The following GAS7 variants were observed in gnomAD, a reference collection of about 807,000 sequenced individuals.
GAS7 encodes the protein growth arrest specific 7, also known as growth arrest-specific protein 7.
In GAS7, 28 loss-of-function variants were observed where a neutral mutation model predicts 71.1. The ratio of observed to expected loss-of-function variants is 0.39; its 90% CI spans 0.29 to 0.54. The LOEUF (loss-of-function observed/expected upper bound fraction) is 0.54. Ranked by LOEUF, GAS7 falls within the 20% of genes least tolerant of loss-of-function variation. The pLI is 0.62. For missense variants in GAS7, 436 were observed against 627.8 expected, an observed-to-expected ratio of 0.69 and a Z score of 3.27; for synonymous variants, 258 against 245.8, an observed-to-expected ratio of 1.05 and a Z score of -0.46.
At chr17:10,112,620 A>G (rs1479516220) in intron 1 of GAS7, among the ~76,000 whole-genome samples, 1 of 152,052 alleles carries the variant, frequency 6.6e-6, no homozygotes, top group Non-Finnish European at 1.5e-5. Context: ...CTGTAATCCC[A>G]GCTACTCAGG....
chr17:10,112,761 AAAAG>A (rs1281679984), intron 1 of GAS7, among the ~76,000 whole-genome samples: 3 of 151,836 alleles, frequency 2.0e-5, no homozygotes, highest in South Asian at 4.2e-4. Context: ...AAGAAAAGAA[AAAAG>A]AAAGAAAGAA....
intron 5 of GAS7, 39 bp from the exon 6 acceptor site, chr17:9,947,022 G>C (rs1454100714): frequency 1.4e-6 from 2 of 1,399,832 alleles, no homozygotes; most frequent in African/African-American, 2.8e-5. Context: ...CCCCGCTGGA[G>C]ACTGGAATAG....
intron 1 of GAS7, among the ~76,000 whole-genome samples, chr17:10,196,525 A>C (rs1465431020): frequency 1.3e-5 from 2 of 152,216 alleles, no homozygotes; most frequent in Non-Finnish European, 2.9e-5. Flanking sequence ...AGACACACCC[A>C]AAACTGTCCC....
chr17:9,946,962 G>A lies in GAS7; in HGVS notation c.547C>T (p.His183Tyr), dbSNP rs765969067. ...TITINCVTFP[H>Y]PDTMPEQQLL... Reference sequence around the variant, plus strand: ...TGCTGTTCCGGCATCGTGTCTGGGTGAGGGAACGTCACACAGTTTATCTGT... The same window carrying A: ...TGCTGTTCCGGCATCGTGTCTGGGTAAGGGAACGTCACACAGTTTATCTGT... Residue 183 changes from histidine to tyrosine, a missense_variant, in exon 6 of 14, where the codon CAC (histidine) becomes TAC (tyrosine). His to Tyr is a moderately conservative substitution (Grantham distance 83, BLOSUM62 2). Coordinates refer to ENST00000432992, the MANE Select transcript of GAS7 (RefSeq NM_201433.2). 4 of 1,612,286 alleles carry A rather than the reference G, an allele frequency of 2.5e-6. No individual in the cohort carries two copies. The highest frequency in any genetic ancestry group is 3.3e-5 in the Admixed American group (2 of 60,030).
At chr17:10,195,493 G>A (rs2142159174) in intron 1 of GAS7, among the ~76,000 whole-genome samples, 1 of 152,290 alleles carries the variant, frequency 6.6e-6, no homozygotes, top group Middle Eastern at 3.4e-3. Flanking sequence ...GCACATTAGA[G>A]ATGCCATATT....
intron 1 of GAS7, among the ~76,000 whole-genome samples, chr17:10,113,947 C>T (rs535012251): frequency 6.6e-6 from 1 of 152,294 alleles, no homozygotes; most frequent in Non-Finnish European, 1.5e-5. Context: ...TAGGGTCTTG[C>T]TATCTTGCCC....
chr17:10,040,234 T>C (rs2072837376), intron 1 of GAS7, among the ~76,000 whole-genome samples: 1 of 151,996 alleles, frequency 6.6e-6, no homozygotes, highest in Non-Finnish European at 1.5e-5. Flanking sequence ...ACAGGGGCAA[T>C]ATTCTAGGCC....
chr17:10,017,633 C>T (rs374351260), intron 2 of GAS7, among the ~76,000 whole-genome samples: 2 of 152,090 alleles, frequency 1.3e-5, no homozygotes, highest in East Asian at 1.9e-4. Context: ...CTGGCCAGAA[C>T]GATGATATTT....
intron 2 of GAS7, among the ~76,000 whole-genome samples, chr17:9,995,079 A>G (rs1301718122): frequency 6.6e-6 from 1 of 152,188 alleles, no homozygotes; most frequent in Admixed American, 6.5e-5. Flanking sequence ...GGGGAGCAGC[A>G]GGGGGGCTCA....
intron 1 of GAS7, among the ~76,000 whole-genome samples, chr17:10,131,058 T>G (rs1433875658): frequency 6.6e-6 from 1 of 152,184 alleles, no homozygotes; most frequent in Non-Finnish European, 1.5e-5. Flanking sequence ...TCTTGCTGAG[T>G]TTGCTATTAC....
chr17:10,126,225 G>C (rs569239420), intron 1 of GAS7, among the ~76,000 whole-genome samples: 1 of 151,940 alleles, frequency 6.6e-6, no homozygotes, highest in Non-Finnish European at 1.5e-5. Flanking sequence ...AATCCTGTCC[G>C]TTCTCCTGGA....
In GAS7 at chr17:10,015,981, G is replaced by A. The variant is rs76345565; in HGVS notation, c.304+3796C>T. 8.7e-4 allele frequency among the ~76,000 whole-genome samples: 133 copies of A among 152,248 alleles called. 2 individuals carry two copies. The East Asian group carries it at 0.016, about 18-fold the overall frequency. On this transcript the variant is annotated intron_variant, in intron 2 of 13. Transcript: ENST00000432992. The stretch of plus-strand genomic sequence containing the variant: ...CACTATAAGAAGATAAACACTTGCA[G>A]GGCAGAGACTTTGTTCTTATTAAAT...
At chr17:10,140,547 G>T (rs948322676) in intron 1 of GAS7, among the ~76,000 whole-genome samples, 1 of 152,182 alleles carries the variant, frequency 6.6e-6, no homozygotes, top group African/African-American at 2.4e-5. Flanking sequence ...ATACATGTGT[G>T]TCTGTGGCTA....
intron 2 of GAS7, among the ~76,000 whole-genome samples, chr17:9,996,042 A>C (rs1165784316): frequency 6.6e-6 from 1 of 152,246 alleles, no homozygotes; most frequent in Non-Finnish European, 1.5e-5. Context: ...AATACACATG[A>C]AGCATTTGAT....
chr17:9,964,852 TATTGA>T, intron 4 of GAS7, among the ~76,000 whole-genome samples: 1 of 152,338 alleles, frequency 6.6e-6, no homozygotes, highest in South Asian at 2.1e-4. Context: ...GAACATGTGT[TATTGA>T]ATTATTGAGG....
rs747019480 is a variant in GAS7, at chr17:9,911,943, T to C, written c.*5285A>G. On this transcript the variant is annotated 3_prime_UTR_variant, in exon 14 of 14. Transcript: ENST00000432992. This position sits in a 1 kb window ranked among gnomAD's most constrained non-coding sequence, Gnocchi z 4.0. ...CCTTAACTGGGTGTGGTCCTGTCCC[T>C]GCCACCATGTACCACCATCCAGTGG... 3 of 231,940 alleles carry C rather than the reference T, an allele frequency of 1.3e-5. No individual in the cohort carries two copies. Among genetic ancestry groups the C allele is most frequent in the Non-Finnish European group, 2.6e-5 (3 of 117,326 alleles). The allele number at this position is 231,940 out of a possible 1,614,324, so 14.4% of individuals were successfully genotyped here.
intron 1 of GAS7, among the ~76,000 whole-genome samples, chr17:10,160,885 T>C (rs1369123256): frequency 6.6e-6 from 1 of 151,692 alleles, no homozygotes; most frequent in Non-Finnish European, 1.5e-5. Flanking sequence ...CTGGTCATAA[T>C]ATGGCTGTTT....
chr17:10,049,258 A>G (rs1168802888), intron 1 of GAS7, among the ~76,000 whole-genome samples: 1 of 152,244 alleles, frequency 6.6e-6, no homozygotes, highest in African/African-American at 2.4e-5. Context: ...TTAAAAACTC[A>G]TATTGAATGG....
chr17:10,102,438 TA>T, intron 1 of GAS7, among the ~76,000 whole-genome samples: 1 of 149,368 alleles, frequency 6.7e-6, no homozygotes, highest in South Asian at 2.1e-4. Flanking sequence ...CTTAGTCGGC[TA>T]GCTGACTAAG....
Sources: gnomAD v4.1 joint callset for allele counts (sites outside exome capture counted in the v4.1 genomes callset) on GRCh38, gnomAD v4.1.1 for gene constraint, Gnocchi (gnomAD v3.1) non-coding constraint, MANE v1.5 for transcripts, NCBI Gene and HGNC (gene_info 2026-07-23, HGNC 2026-07-21) for gene names.